ZNF362: variants seen among roughly 807,000 people sequenced by gnomAD.
The protein encoded by ZNF362 is rotund homolog.
In ZNF362, 11 loss-of-function variants were observed where a neutral mutation model predicts 42.9. The observed-to-expected ratio is 0.26, with a 90% CI of 0.16 to 0.42. The LOEUF is 0.42. Ranked by LOEUF, ZNF362 falls within the 20% of genes least tolerant of loss-of-function variation. The probability of loss-of-function intolerance (pLI) is 1.00; values close to 1 mark genes in which losing one functional copy is unlikely to be tolerated. For missense variants in ZNF362, 362 were observed against 576.2 expected (o/e 0.63, Z 3.81); for synonymous variants, 255 against 257.3 (o/e 0.99, Z 0.09).
upstream of ZNF362, among the ~76,000 whole-genome samples, chr1:33,252,595 G>A (rs202216960): frequency 9.2e-5 from 14 of 152,252 alleles, no homozygotes; most frequent in East Asian, 5.8e-4. Context: ...TTGTTACTGC[G>A]GCATAGTCTG....
intron 1 of ZNF362, among the ~76,000 whole-genome samples, chr1:33,257,325 A>AAAAAAAGGG (rs1645800218): frequency 2.0e-5 from 3 of 151,832 alleles, no homozygotes; most frequent in Admixed American, 6.5e-5. Flanking sequence ...TTAAAGAAAA[A>AAAAAAAGGG]AAAAAAGGGA....
At chr1:33,198,132 A>C in the ZNF362 span, among the ~76,000 whole-genome samples, 51 of 152,348 alleles carry the variant, frequency 3.3e-4, no homozygotes, top group East Asian at 9.8e-3. Flanking sequence ...AGAGCCCCCC[A>C]AAAAGTAAAA....
intron 1 of ZNF362, among the ~76,000 whole-genome samples, chr1:33,265,577 G>C (rs1249320057): frequency 6.6e-6 from 1 of 152,106 alleles, no homozygotes; most frequent in Non-Finnish European, 1.5e-5. Context: ...AGAGTGGGGT[G>C]GGGTGCAGTG....
At chr1:33,238,577 AG>A in the ZNF362 span, among the ~76,000 whole-genome samples, 204 of 152,182 alleles carry the variant, frequency 1.3e-3, 6 homozygotes, top group African/African-American at 4.3e-3. Flanking sequence ...CTAGAAAGGA[AG>A]GGTCATGTAG....
At chr1:33,230,887 A>G in the ZNF362 span, among the ~76,000 whole-genome samples, 1 of 152,248 alleles carries the variant, frequency 6.6e-6, no homozygotes, top group Non-Finnish European at 1.5e-5. Flanking sequence ...GCTCAGGGAT[A>G]TAAAACTTTC....
At chr1:33,241,495 CAAAA>C in the ZNF362 span, among the ~76,000 whole-genome samples, 2 of 91,096 alleles carry the variant, frequency 2.2e-5, no homozygotes, top group African/African-American at 3.9e-5. Flanking sequence ...AACTCCATCT[CAAAA>C]AAAAAAAAAA....
At chr1:33,224,169 A>C in the ZNF362 span, among the ~76,000 whole-genome samples, 1 of 152,222 alleles carries the variant, frequency 6.6e-6, no homozygotes, top group Non-Finnish European at 1.5e-5. Context: ...AGGAGTCCAG[A>C]TATTGGCACT....
the ZNF362 span, chr1:33,196,315 G>A: frequency 6.6e-6 from 1 of 152,256 alleles, no homozygotes; most frequent in Non-Finnish European, 1.5e-5. Context: ...GGGAGACAGA[G>A]GTTGCAGTGA....
the ZNF362 span, among the ~76,000 whole-genome samples, chr1:33,220,468 G>A: frequency 6.6e-6 from 1 of 152,160 alleles, no homozygotes; most frequent in African/African-American, 2.4e-5. Flanking sequence ...ACACTGAGGA[G>A]TCAGGGAGTC....
chr1:33,271,144 C>T (rs1437868284), intron 2 of ZNF362, among the ~76,000 whole-genome samples: 1 of 152,232 alleles, frequency 6.6e-6, no homozygotes, highest in Non-Finnish European at 1.5e-5. Flanking sequence ...TCTGTCCCAT[C>T]ACCCACTGCT....
At chr1:33,260,086 T>C (rs1645819362) in intron 1 of ZNF362, among the ~76,000 whole-genome samples, 1 of 152,194 alleles carries the variant, frequency 6.6e-6, no homozygotes, top group South Asian at 2.1e-4. Flanking sequence ...TAAGGATTGC[T>C]GATGACTGTC....
the ZNF362 span, among the ~76,000 whole-genome samples, chr1:33,245,197 C>T: frequency 3.2e-3 from 492 of 152,246 alleles, 17 homozygotes; most frequent in East Asian, 0.084. Context: ...GACCGATGAC[C>T]CTTCATTTAA....
the ZNF362 span, among the ~76,000 whole-genome samples, chr1:33,214,992 A>G: frequency 6.6e-6 from 1 of 152,328 alleles, no homozygotes; most frequent in African/African-American, 2.4e-5. Flanking sequence ...TTCCACTAGT[A>G]GGTATACATC....
chr1:33,286,809 A>C (rs1646036296), intron 6 of ZNF362, among the ~76,000 whole-genome samples: 1 of 152,208 alleles, frequency 6.6e-6, no homozygotes, highest in Admixed American at 6.5e-5. Flanking sequence ...CTTGGCAGAG[A>C]ACCAGGCATC....
At chr1:33,179,201 G>A in the ZNF362 span, among the ~76,000 whole-genome samples, 4 of 152,256 alleles carry the variant, frequency 2.6e-5, no homozygotes, top group African/African-American at 7.2e-5. Context: ...CGCCTAAAAC[G>A]ATGGCTCTGG....
chr1:33,276,896 T>A (rs539848171), intron 4 of ZNF362, among the ~76,000 whole-genome samples: 15 of 152,316 alleles, frequency 9.8e-5, no homozygotes, highest in African/African-American at 3.6e-4. Flanking sequence ...AATCACGAGA[T>A]TCTTTGGGAA....
the ZNF362 span, among the ~76,000 whole-genome samples, chr1:33,156,443 C>G: frequency 2.6e-5 from 4 of 152,192 alleles, no homozygotes; most frequent in Non-Finnish European, 5.9e-5. Flanking sequence ...GGCTCAGCAG[C>G]CTTTGTCACT....
the ZNF362 span, among the ~76,000 whole-genome samples, chr1:33,147,933 T>C: frequency 1.3e-5 from 2 of 152,282 alleles, no homozygotes; most frequent in South Asian, 2.1e-4. This position sits in a 1 kb window ranked among gnomAD's most constrained non-coding sequence, Gnocchi z 8.1. Context: ...TTCCAGATAT[T>C]GTCTGCAGGG....
chr1:33,288,756 A>G (rs1184733612), intron 6 of ZNF362, among the ~76,000 whole-genome samples: 1 of 146,872 alleles, frequency 6.8e-6, no homozygotes, highest in Non-Finnish European at 1.5e-5. Context: ...AAAAAAAAAA[A>G]AAAAAAGAAG....
Sources: allele counts gnomAD v4.1 joint callset (sites outside exome capture counted in the v4.1 genomes callset), GRCh38; gene constraint gnomAD v4.1.1; non-coding constraint Gnocchi (gnomAD v3.1); transcripts MANE v1.5; gene names NCBI Gene and HGNC (gene_info 2026-07-23, HGNC 2026-07-21).